Variants in TMEM272 observed in about 807,000 individuals in gnomAD.
TMEM272 encodes transmembrane protein 272.
Under a neutral mutation model 3.7 loss-of-function variants are expected in TMEM272, and 8 were observed. That is an observed-to-expected ratio of 2.17 (90% confidence interval 1.27 to 3.91). TMEM272 has a LOEUF of 3.91. Among genes scored for constraint, TMEM272 ranks in the 30% most tolerant of loss-of-function variants. The pLI is 0.00. For synonymous variants in TMEM272, 63 were observed against 39.8 expected (o/e 1.58, Z -2.20); for missense variants, 166 against 91.5 (o/e 1.81, Z -3.32).
intron 2 of TMEM272, among the ~76,000 whole-genome samples, chr13:51,828,632 G>C (rs576625537): frequency 1.3e-5 from 2 of 151,960 alleles, no homozygotes; most frequent in African/African-American, 4.8e-5. Context: ...CCAAGCATCT[G>C]GTTTGACGCT....
chr13:51,882,056 T>C, the TMEM272 span, among the ~76,000 whole-genome samples: 4 of 152,222 alleles, frequency 2.6e-5, no homozygotes, highest in Non-Finnish European at 5.9e-5. Flanking sequence ...CAATTTCATT[T>C]ACGAAATTGT....
chr13:51,855,959 A>G, the TMEM272 span, among the ~76,000 whole-genome samples: 1 of 152,334 alleles, frequency 6.6e-6, no homozygotes, highest in South Asian at 2.1e-4. Flanking sequence ...AGAAAAATCA[A>G]TTCACTGAGA....
At chr13:51,881,109 G>C in the TMEM272 span, among the ~76,000 whole-genome samples, 5 of 152,152 alleles carry the variant, frequency 3.3e-5, no homozygotes, top group African/African-American at 9.7e-5. Context: ...AAGTATTCTG[G>C]GTGTGGCCGA....
chr13:51,877,295 T>C, the TMEM272 span, among the ~76,000 whole-genome samples: 1 of 152,232 alleles, frequency 6.6e-6, no homozygotes, highest in African/African-American at 2.4e-5. Context: ...ACTTCCTGCC[T>C]TTTCTCCCCA....
chr13:51,907,026 C>CCCTCCCACATGGTTAATGTTCCTCT, the TMEM272 span, among the ~76,000 whole-genome samples: 1 of 152,216 alleles, frequency 6.6e-6, no homozygotes, highest in African/African-American at 2.4e-5. Flanking sequence ...AATGACCCTC[C>CCCTCCCACATGGTTAATGTTCCTCT]CCTCCCACAT....
At chr13:51,886,067 G>C in the TMEM272 span, among the ~76,000 whole-genome samples, 1 of 152,158 alleles carries the variant, frequency 6.6e-6, no homozygotes, top group Non-Finnish European at 1.5e-5. Context: ...TTCCCCGCCT[G>C]GTACCTAGAC....
upstream of TMEM272, among the ~76,000 whole-genome samples, chr13:51,846,639 G>A (rs1219154805): frequency 6.6e-6 from 1 of 152,170 alleles, no homozygotes; most frequent in Non-Finnish European, 1.5e-5. Context: ...TCCAGAAGAA[G>A]GCATTGTTAT....
At chr13:51,870,034 C>T in the TMEM272 span, among the ~76,000 whole-genome samples, 1 of 152,180 alleles carries the variant, frequency 6.6e-6, no homozygotes, top group African/African-American at 2.4e-5. Flanking sequence ...GATTCGACAG[C>T]TGTTTAAAGC....
the TMEM272 span, among the ~76,000 whole-genome samples, chr13:51,869,256 C>T: frequency 6.6e-6 from 1 of 152,344 alleles, no homozygotes; most frequent in East Asian, 1.9e-4. Flanking sequence ...CTATTGCTCT[C>T]TCCATCCTCA....
chr13:51,902,138 C>A, the TMEM272 span, among the ~76,000 whole-genome samples: 1 of 152,266 alleles, frequency 6.6e-6, no homozygotes, highest in East Asian at 1.9e-4. Flanking sequence ...AGCCAACGTG[C>A]ATTGGATGAA....
the TMEM272 span, among the ~76,000 whole-genome samples, chr13:51,914,123 G>A: frequency 6.6e-6 from 1 of 152,248 alleles, no homozygotes; most frequent in Non-Finnish European, 1.5e-5. Flanking sequence ...AAAAAAGGAA[G>A]CTGAGAGTAC....
At chr13:51,910,280 A>G in the TMEM272 span, 4 of 1,427,188 alleles carry the variant, frequency 2.8e-6, no homozygotes, top group Non-Finnish European at 3.9e-6. Context: ...CAAAGCTGGC[A>G]TCCTCTAAAG....
chr13:51,863,672 G>GACACACACACACACAC, the TMEM272 span, among the ~76,000 whole-genome samples: 1 of 134,298 alleles, frequency 7.4e-6, no homozygotes, highest in African/African-American at 2.7e-5. Context: ...CGCGCACACA[G>GACACACACACACACAC]ACACACACAC....
At chr13:51,830,382 T>C (rs187175957) in intron 2 of TMEM272, among the ~76,000 whole-genome samples, 82 of 152,340 alleles carry the variant, frequency 5.4e-4, no homozygotes, top group African/African-American at 1.9e-3. Flanking sequence ...CCTGCAGCCA[T>C]GCAACCAAGC....
the TMEM272 span, among the ~76,000 whole-genome samples, chr13:51,911,652 A>T: frequency 1.3e-5 from 2 of 151,924 alleles, no homozygotes; most frequent in Admixed American, 1.3e-4. Context: ...GTTTCTGGAG[A>T]CTCTGGGTTT....
chr13:51,921,818 G>T, the TMEM272 span, among the ~76,000 whole-genome samples: 1 of 152,302 alleles, frequency 6.6e-6, no homozygotes, highest in East Asian at 1.9e-4. Context: ...CTCAGCTGGG[G>T]AGCGGAGGTC....
chr13:51,907,083 T>C, the TMEM272 span, among the ~76,000 whole-genome samples: 1 of 152,188 alleles, frequency 6.6e-6, no homozygotes, highest in Admixed American at 6.5e-5. Flanking sequence ...CTGGGGTGCA[T>C]CTGTGACTTG....
the TMEM272 span, among the ~76,000 whole-genome samples, chr13:51,930,763 A>G: frequency 1.3e-5 from 2 of 151,626 alleles, no homozygotes; most frequent in Admixed American, 1.3e-4. Flanking sequence ...AAAAAAAAAA[A>G]CCCCTGCAAT....
the TMEM272 span, among the ~76,000 whole-genome samples, chr13:51,877,171 C>T: frequency 2.2e-4 from 33 of 152,342 alleles, no homozygotes; most frequent in African/African-American, 7.5e-4. Context: ...CCTCTGAAGG[C>T]CTCTTCCCAT....
Sources: allele counts gnomAD v4.1 joint callset (sites outside exome capture counted in the v4.1 genomes callset), GRCh38; gene constraint gnomAD v4.1.1; transcripts MANE v1.5; gene names NCBI Gene and HGNC (gene_info 2026-07-23, HGNC 2026-07-21).